DCHS2: variants seen among roughly 807,000 people sequenced by gnomAD.
The protein encoded by DCHS2 is dachsous cadherin-related 2.
Under a neutral mutation model 182.4 loss-of-function variants are expected in DCHS2, and 142 were observed. The ratio of observed to expected loss-of-function variants is 0.78; its 90% CI spans 0.68 to 0.89. The LOEUF (loss-of-function observed/expected upper bound fraction) is 0.89. Ranked by LOEUF, DCHS2 falls within the 40% of genes least tolerant of loss-of-function variation. The pLI is 0.00. For synonymous variants in DCHS2, 1,740 were observed against 1,663.3 expected, an observed-to-expected ratio of 1.05 and a Z score of -1.12; for missense variants, 4,319 against 4,198.6, an observed-to-expected ratio of 1.03 and a Z score of -0.79.
intron 12 of DCHS2, among the ~76,000 whole-genome samples, chr4:154,304,078 C>T (rs1420378052): frequency 2.7e-5 from 4 of 150,714 alleles, no homozygotes; most frequent in Non-Finnish European, 5.9e-5. Flanking sequence ...AAAACAATAT[C>T]CTTTAACGGG....
chr4:154,361,817 T>C (rs930314555), intron 3 of DCHS2, among the ~76,000 whole-genome samples: 8 of 152,220 alleles, frequency 5.3e-5, no homozygotes, highest in African/African-American at 1.9e-4. Flanking sequence ...GCTCTATTTT[T>C]AAATGCATGA....
In DCHS2 at chr4:154,490,631, G is replaced by A; in HGVS notation, c.725C>T (p.Pro242Leu). Residue 242 changes from proline (P) to leucine (L), a missense_variant, in exon 1 of 20, where the codon CCC (proline) becomes CTC (leucine). Coordinates refer to ENST00000357232, the MANE Select transcript of DCHS2 (RefSeq NM_001358235.2). The stretch of plus-strand genomic sequence containing the variant: ...CAGCACCAGATCTAGAGGCTCCAGG[G>A]GTGACGAGGAGCCTGGCAAAAGCGG... ...PSPLLPGSSS[P>L]LEPLDLVLLR... The A allele has an allele frequency of 6.4e-7, 1 of 1,550,642 alleles. No individual in the cohort carries two copies. The highest frequency in any genetic ancestry group is 1.4e-5 in the African/African-American group (1 of 73,166).
At chr4:154,322,825 A>T (rs1278721142) in intron 7 of DCHS2, 1 of 253,820 alleles carries the variant, frequency 3.9e-6, no homozygotes, top group Non-Finnish European at 7.4e-6. Context: ...AAGTTCCAGA[A>T]GTCATATTAT....
At chr4:154,311,560 G>A (rs1197599269) in intron 10 of DCHS2, among the ~76,000 whole-genome samples, 6 of 152,162 alleles carry the variant, frequency 3.9e-5, no homozygotes, top group Non-Finnish European at 7.4e-5. Flanking sequence ...ATAATGCCTC[G>A]ACTGTACAAT....
At chr4:154,411,045 G>A (rs917067066) in intron 1 of DCHS2, among the ~76,000 whole-genome samples, 1 of 152,182 alleles carries the variant, frequency 6.6e-6, no homozygotes, top group African/African-American at 2.4e-5. Context: ...ACGTCCTTCA[G>A]AAATGATGGA....
intron 3 of DCHS2, among the ~76,000 whole-genome samples, chr4:154,363,626 C>T (rs1730222845): frequency 6.6e-6 from 1 of 152,108 alleles, no homozygotes; most frequent in South Asian, 2.1e-4. Context: ...TTCTGAAGAT[C>T]TACTTTATAG....
At chr4:154,262,594 C>T (rs76344158) in intron 14 of DCHS2, among the ~76,000 whole-genome samples, 25 of 152,246 alleles carry the variant, frequency 1.6e-4, no homozygotes, top group Non-Finnish European at 3.2e-4. Context: ...CATTATGTAG[C>T]TTTTGACAAA....
At chr4:154,473,445 G>A (rs2111022690) in intron 1 of DCHS2, among the ~76,000 whole-genome samples, 1 of 152,354 alleles carries the variant, frequency 6.6e-6, no homozygotes, top group African/African-American at 2.4e-5. Flanking sequence ...AAGAGGAAGG[G>A]AGAGCTAATA....
rs575771920 is a variant in DCHS2 at position 154,487,048 on chromosome 4, T to C, written c.2052+2256A>G. Among the ~76,000 whole-genome samples, 164 of 152,254 alleles carry C rather than the reference T, an allele frequency of 1.1e-3. 1 individual carries two copies. Among genetic ancestry groups the C allele is most frequent in the African/African-American group, 3.5e-3 (146 of 41,532 alleles). On this transcript the variant is annotated intron_variant, in intron 1 of 19. Transcript: ENST00000357232. The stretch of plus-strand genomic sequence containing the variant: ...TCATAGAAGAATCATCTCACGATGA[T>C]AGAAACAACTCTAAAGACAGGCTTT...
chr4:154,316,617 C>T (rs1051162961), intron 9 of DCHS2, among the ~76,000 whole-genome samples: 1 of 151,910 alleles, frequency 6.6e-6, no homozygotes, highest in Non-Finnish European at 1.5e-5. Flanking sequence ...ACTCCATCTC[C>T]TCTAAAAACA....
chr4:154,437,811 T>C (rs1369963488), intron 1 of DCHS2, among the ~76,000 whole-genome samples: 1 of 152,170 alleles, frequency 6.6e-6, no homozygotes, highest in African/African-American at 2.4e-5. Flanking sequence ...AGAAACACAC[T>C]ATTCCAAAAA....
intron 1 of DCHS2, among the ~76,000 whole-genome samples, chr4:154,427,925 A>C (rs1426013210): frequency 1.3e-5 from 2 of 152,256 alleles, no homozygotes; most frequent in Non-Finnish European, 2.9e-5. Context: ...ACTGCTCTAT[A>C]CATTGAGAGC....
intron 1 of DCHS2, among the ~76,000 whole-genome samples, chr4:154,484,931 T>C (rs1271685913): frequency 6.6e-6 from 1 of 152,182 alleles, no homozygotes; most frequent in African/African-American, 2.4e-5. Context: ...ACACACAAAA[T>C]GTGCAGCTAC....
intron 15 of DCHS2, among the ~76,000 whole-genome samples, chr4:154,258,732 C>T (rs1002818787): frequency 7.9e-5 from 12 of 152,006 alleles, no homozygotes; most frequent in Non-Finnish European, 1.3e-4. Flanking sequence ...AGGTTTTGTC[C>T]AGAAAATATG....
chr4:154,467,462 A>G (rs1735284754), intron 1 of DCHS2, among the ~76,000 whole-genome samples: 1 of 152,170 alleles, frequency 6.6e-6, no homozygotes, highest in African/African-American at 2.4e-5. Flanking sequence ...CTCTATAGCC[A>G]CTGTAATAAT....
chr4:154,474,451 C>A (rs1735605003), intron 1 of DCHS2, among the ~76,000 whole-genome samples: 1 of 152,122 alleles, frequency 6.6e-6, no homozygotes, highest in South Asian at 2.1e-4. Flanking sequence ...AGGGGCAGCC[C>A]CCTGACTCAA....
intron 1 of DCHS2, among the ~76,000 whole-genome samples, chr4:154,409,182 G>A (rs962104972): frequency 1.3e-5 from 2 of 152,116 alleles, no homozygotes; most frequent in South Asian, 4.1e-4. Context: ...AGTAGAGTCT[G>A]GGCTGCTGAG....
intron 1 of DCHS2, among the ~76,000 whole-genome samples, chr4:154,386,691 T>C (rs1029231775): frequency 2.6e-5 from 4 of 152,194 alleles, no homozygotes; most frequent in Non-Finnish European, 4.4e-5. Context: ...TGGTGCCTAG[T>C]TCATATTGAG....
intron 1 of DCHS2, among the ~76,000 whole-genome samples, chr4:154,455,810 C>A (rs1471977967): frequency 6.6e-6 from 1 of 152,154 alleles, no homozygotes; most frequent in Admixed American, 6.5e-5. Flanking sequence ...TAATTTGGGG[C>A]TGGGTGCAGT....
Sources: allele counts gnomAD v4.1 joint callset (sites outside exome capture counted in the v4.1 genomes callset), GRCh38; gene constraint gnomAD v4.1.1; transcripts MANE v1.5; gene names NCBI Gene and HGNC (gene_info 2026-07-23, HGNC 2026-07-21).